The following ZNF707 variants were observed in gnomAD, a reference collection of about 807,000 sequenced individuals.
The protein encoded by ZNF707 is zinc finger protein 707.
ZNF707 carries 8 observed loss-of-function variants against 13.3 expected under a neutral mutation model. The observed-to-expected ratio is 0.60, with a 90% confidence interval of 0.35 to 1.09. ZNF707 has a LOEUF of 1.09. Ranked by LOEUF, ZNF707 falls within the 50% of genes least tolerant of loss-of-function variation. The pLI is 0.02. For missense variants in ZNF707, 530 were observed against 512.6 expected (o/e 1.03, Z -0.33); for synonymous variants, 225 against 205.6 (o/e 1.09, Z -0.81).
chr8:143,691,642 A>G lies in ZNF707; in HGVS notation c.185A>G (p.Gln62Arg), dbSNP rs367626059. The G allele has an allele frequency of 1.9e-6, 3 of 1,609,998 alleles. No individual in the cohort carries two copies. Among genetic ancestry groups the G allele is most frequent in the South Asian group, 1.1e-5 (1 of 89,832 alleles). ...CCAGACCTCGTCTCTCGCCTGGAACAGTGGGAGGAGCCGTGGGTTGAAGAC... is the reference window on the plus strand; with the variant it reads ...CCAGACCTCGTCTCTCGCCTGGAACGGTGGGAGGAGCCGTGGGTTGAAGAC... ...PRPDLVSRLE[Q>R]WEEPWVEDRE... Residue 62 changes from glutamine to arginine, a missense_variant, in exon 5 of 6, where the codon CAG becomes CGG. Coordinates refer to ENST00000358656, the MANE Select transcript of ZNF707 (RefSeq NM_001100598.2).
At position 143,693,913 on chromosome 8, in the gene ZNF707, C is replaced by T. The variant is rs782430813; in HGVS notation, c.499C>T (p.Arg167Trp). 26 of 1,606,474 alleles carry T rather than the reference C, an allele frequency of 1.6e-5. No individual in the cohort carries two copies. The highest frequency in any genetic ancestry group is 1.3e-4 in the South Asian group (12 of 90,668). The change falls in exon 6 of 6, where the codon CGG becomes TGG. Residue 167 changes from arginine to tryptophan, a missense_variant. Arg to Trp is a moderately radical substitution (Grantham distance 101, BLOSUM62 -3). Coordinates refer to ENST00000358656, the MANE Select transcript of ZNF707 (RefSeq NM_001100598.2). This position sits in a 1 kb window ranked among gnomAD's most constrained non-coding sequence, Gnocchi z 4.1. ...GCGGCGGCCGGGCCGCAGAGAGCGC[C>T]GGAAGCAGCGCGCAGTAGAGCTGTC... ...CGRRPGRRER[R>W]KQRAVELSFI...
chr8:143,690,242 C>T (rs1315136790), intron 3 of ZNF707, 119 bp downstream of exon 3: 4 of 1,334,698 alleles, frequency 3.0e-6, no homozygotes, highest in African/African-American at 2.9e-5. Flanking sequence ...CCCGTGTCTG[C>T]CTTTCTGCCT....
chr8:143,694,467 AGGCTTCC>A lies in ZNF707; in HGVS notation c.1055_1061del (p.Gly352ValfsTer41), dbSNP rs1554614797. On this transcript the variant is annotated frameshift_variant, in exon 6 of 6. Coordinates refer to ENST00000358656, the MANE Select transcript of ZNF707 (RefSeq NM_001100598.2). LOFTEE classifies it low-confidence loss of function (END_TRUNC). The surrounding 1 kb of genome is among the most constrained non-coding windows in gnomAD (Gnocchi z 4.4). ...TCTACGAGTGCGGCCACTGTGGGAA[AGGCTTCC>A]GTCACCTGGGGTTCTTCACGCGGCA... 1 of 1,611,804 alleles carries A rather than the reference AGGCTTCC, an allele frequency of 6.2e-7. No homozygotes were observed. The highest frequency in any genetic ancestry group is 1.7e-5 in the Admixed American group (1 of 59,988).
At position 143,691,120 on chromosome 8, in the gene ZNF707, G is replaced by A. The variant is rs779021607; in HGVS notation, c.63G>A (p.Glu21=). The change falls in exon 4 of 6, where the codon GAG becomes GAA. Residue 21 remains glutamate, a synonymous_variant. Transcript: ENST00000358656. Reference sequence around the variant, plus strand: ...TGGCCATCTACTTCTCAAGGGAGGAGTGGGCGTGTCTGGAACCCAGCCAGA... The same window carrying A: ...TGGCCATCTACTTCTCAAGGGAGGAATGGGCGTGTCTGGAACCCAGCCAGA... The part of the protein sequence containing the change: ...RDVAIYFSRE[E]WACLEPSQRA... The A allele has an allele frequency of 6.2e-7, 1 of 1,613,920 alleles. No homozygotes were observed.
intron 1 of ZNF707, chr8:143,684,881 C>G (rs1330319041): frequency 2.0e-5 from 3 of 152,304 alleles, no homozygotes; most frequent in Admixed American, 6.5e-5. Flanking sequence ...CCCTATCGCT[C>G]CGATGAGACC....
At chr8:143,692,341 C>G (rs1325261719) in intron 5 of ZNF707, 1 of 1,285,818 alleles carries the variant, frequency 7.8e-7, no homozygotes, top group Middle Eastern at 2.2e-4. Flanking sequence ...GTGTGTGGAG[C>G]CCCCGACTGT....
In ZNF707 at chr8:143,691,727, TGTCTGGGCTCGGCGGGCCCC is replaced by T. The variant is rs781870419; in HGVS notation, c.256+18_256+37del. 2.6e-6 allele frequency: 4 copies of T among 1,566,278 alleles called. No homozygotes were observed. The East Asian group carries it at 9.5e-5, about 37-fold the overall frequency. On this transcript the variant is annotated intron_variant, in intron 5 of 5. Coordinates refer to ENST00000358656, the MANE Select transcript of ZNF707 (RefSeq NM_001100598.2). Reference sequence around the variant, plus strand: ...GACCCCGGCCAGGTGAGTGCTGGGCTGTCTGGGCTCGGCGGGCCCCGTCCCTGTGGCCCACAGCTCCTGGG... The same window carrying T: ...GACCCCGGCCAGGTGAGTGCTGGGCTGTCCCTGTGGCCCACAGCTCCTGGG...
chr8:143,691,531 G>A, intron 4 of ZNF707, 69 bp from the exon 5 acceptor site: 1 of 1,488,808 alleles, frequency 6.7e-7, no homozygotes, highest in Non-Finnish European at 9.1e-7. Context: ...ATGCACAACT[G>A]CTCTGAGCCT....
intron 3 of ZNF707, 135 bp downstream of exon 3, chr8:143,690,258 C>T (rs1360311837): frequency 3.3e-6 from 4 of 1,202,204 alleles, no homozygotes; most frequent in Non-Finnish European, 4.7e-6. Context: ...TGCCTTCTCT[C>T]TTAAGGGGTG....
At chr8:143,691,419 C>A in intron 4 of ZNF707, 181 bp from the exon 5 acceptor site, 2 of 1,046,122 alleles carry the variant, frequency 1.9e-6, no homozygotes, top group Non-Finnish European at 2.7e-6. Context: ...CTTGCCAGGG[C>A]CTTCCGTGGG....
intron 5 of ZNF707, chr8:143,691,936 G>GCT: frequency 8.0e-7 from 1 of 1,251,028 alleles, no homozygotes; most frequent in Non-Finnish European, 1.1e-6. Flanking sequence ...TAGTGCTGCA[G>GCT]GATGACATAC....
At position 143,694,545 on chromosome 8, in the gene ZNF707, T is replaced by C. The variant is rs1554614863; in HGVS notation, c.*15T>C. ...GGGAGGTGTAGGGGCGCCCGAAGAG[T>C]GGGGTGCTGCGCCTCTGCGGGAGTA... On this transcript the variant is annotated 3_prime_UTR_variant, in exon 6 of 6. Transcript: ENST00000358656. This position sits in a 1 kb window ranked among gnomAD's most constrained non-coding sequence, Gnocchi z 4.4. 2 of 1,572,700 alleles carry C rather than the reference T, an allele frequency of 1.3e-6. No homozygotes were observed. Among genetic ancestry groups the C allele is most frequent in the African/African-American group, 2.7e-5 (2 of 73,798 alleles).
At chr8:143,690,311 C>G (rs1296749212) in intron 3 of ZNF707, 188 bp downstream of exon 3, 1 of 656,592 alleles carries the variant, frequency 1.5e-6, no homozygotes, top group Non-Finnish European at 2.5e-6. Context: ...ATGCCTCACG[C>G]CTGTAATCCT....
intron 4 of ZNF707, 72 bp downstream of exon 4, chr8:143,691,271 A>T: frequency 6.5e-7 from 1 of 1,539,524 alleles, no homozygotes; most frequent in Non-Finnish European, 8.8e-7. Flanking sequence ...CTCTGGGCCC[A>T]GCTCGTCCAG....
rs1554615072 is a variant in ZNF707, at chr8:143,695,200, G to GA, written c.*670_*671insA. The GA allele has an allele frequency of 2.0e-5, 3 of 152,284 alleles. No individual in the cohort carries two copies. Among genetic ancestry groups the GA allele is most frequent in the Non-Finnish European group, 4.4e-5 (3 of 68,098 alleles). 9.4% of individuals were successfully genotyped at this position (152,284 alleles called of 1,614,324 possible). A position where few individuals can be genotyped will look rare whatever the true frequency, so the allele number is the denominator to read the frequency against. On this transcript the variant is annotated 3_prime_UTR_variant, in exon 6 of 6. Coordinates refer to ENST00000358656, the MANE Select transcript of ZNF707 (RefSeq NM_001100598.2). ...ACCTGGAGTTGGGAGATCAAGTTGG[G>GA]TCTCAGGGCAGTGAGGTGGCCATAT... is the stretch of plus-strand genomic sequence containing the variant.
intron 1 of ZNF707, among the ~76,000 whole-genome samples, chr8:143,686,271 C>T (rs1167016123): frequency 1.3e-5 from 2 of 152,074 alleles, no homozygotes; most frequent in African/African-American, 2.4e-5. Flanking sequence ...GGGGTTTCAC[C>T]ATGTTGGCCA....
chr8:143,694,622 T>C lies in ZNF707; in HGVS notation c.*92T>C. 1 of 1,378,010 alleles carries C rather than the reference T, an allele frequency of 7.3e-7. No homozygotes were observed. The highest frequency in any genetic ancestry group is 1.5e-5 in the South Asian group (1 of 67,146). The allele number at this position is 1,378,010 out of a possible 1,614,324, so 85.4% of individuals were successfully genotyped here. On this transcript the variant is annotated 3_prime_UTR_variant, in exon 6 of 6. Transcript: ENST00000358656. This position sits in a 1 kb window ranked among gnomAD's most constrained non-coding sequence, Gnocchi z 4.4. ...AGAAGTTGCTCTTCAGCCTGGAAAA[T>C]CAACCTGAATTCAGAGAAGCCTTCT...
rs781961972 is a variant in ZNF707 at position 143,692,302 on chromosome 8, T to G, written c.256+589T>G. The G allele has an allele frequency of 4.9e-5, 63 of 1,288,734 alleles. No individual in the cohort carries two copies. In the South Asian group the frequency reaches 6.5e-4, roughly 13 times the overall value. 79.8% of individuals were successfully genotyped at this position (1,288,734 alleles called of 1,614,324 possible). ...CTGGGAGGTCCCCGGGTATGTGGAG[T>G]CCCCGACTGTGGAGTGTCAGGTTCC... On this transcript the variant is annotated intron_variant, in intron 5 of 5. Transcript: ENST00000358656.
At chr8:143,692,189 AG>A (rs1816874410) in intron 5 of ZNF707, 4 of 1,293,362 alleles carry the variant, frequency 3.1e-6, no homozygotes, top group Non-Finnish European at 4.0e-6. Flanking sequence ...CCATTAGGTG[AG>A]GGTTGCTCTT....
Sources: gnomAD v4.1 joint callset for allele counts (sites outside exome capture counted in the v4.1 genomes callset) on GRCh38, gnomAD v4.1.1 for gene constraint, Gnocchi (gnomAD v3.1) non-coding constraint, MANE v1.5 for transcripts, NCBI Gene and HGNC (gene_info 2026-07-23, HGNC 2026-07-21) for gene names.